The following LCLAT1 variants were observed in gnomAD, a reference collection of about 807,000 sequenced individuals.
LCLAT1 encodes lysocardiolipin acyltransferase 1, also known as 1-AGP acyltransferase 8.
In LCLAT1, 11 loss-of-function variants were observed where a neutral mutation model predicts 30.7. The ratio of observed to expected loss-of-function variants is 0.36; its 90% CI spans 0.23 to 0.59. The LOEUF is 0.59. Ranked by LOEUF, LCLAT1 falls within the 20% of genes least tolerant of loss-of-function variation. The probability of loss-of-function intolerance (pLI) is 0.77; values close to 1 mark genes in which losing one functional copy is unlikely to be tolerated. For synonymous variants in LCLAT1, 155 were observed against 151.3 expected (o/e 1.02, Z -0.18); for missense variants, 402 against 458.6 (o/e 0.88, Z 1.13).
At chr2:30,460,693 G>T (rs918126380) in intron 1 of LCLAT1, among the ~76,000 whole-genome samples, 1 of 152,082 alleles carries the variant, frequency 6.6e-6, no homozygotes, top group African/African-American at 2.4e-5. Context: ...TCCTAATAAG[G>T]TGACTCTGGG....
intron 2 of LCLAT1, among the ~76,000 whole-genome samples, chr2:30,529,170 TA>T (rs1454348438): frequency 6.6e-6 from 1 of 152,244 alleles, no homozygotes; most frequent in East Asian, 1.9e-4. Flanking sequence ...GCACTTAAAC[TA>T]ATTATTGCTT....
intron 1 of LCLAT1, among the ~76,000 whole-genome samples, chr2:30,523,937 GTTGT>G (rs1318137924): frequency 3.3e-5 from 5 of 152,232 alleles, no homozygotes; most frequent in South Asian, 4.1e-4. Context: ...GACCTGTTTT[GTTGT>G]TTGTCTGTCT....
intron 5 of LCLAT1, among the ~76,000 whole-genome samples, chr2:30,622,377 C>G (rs2148517702): frequency 6.6e-6 from 1 of 152,274 alleles, no homozygotes; most frequent in South Asian, 2.1e-4. Context: ...TGTTGTCCCT[C>G]CTACCACCTG....
chr2:30,618,127 G>A (rs1356110979), intron 5 of LCLAT1, among the ~76,000 whole-genome samples: 3 of 152,184 alleles, frequency 2.0e-5, no homozygotes, highest in African/African-American at 7.2e-5. Context: ...TGATCTGTAT[G>A]TCTAACTCTC....
At chr2:30,461,314 A>G (rs1304363876) in intron 1 of LCLAT1, among the ~76,000 whole-genome samples, 1 of 152,198 alleles carries the variant, frequency 6.6e-6, no homozygotes, top group Non-Finnish European at 1.5e-5. Context: ...TTTGACAGGC[A>G]TTGTGGTATG....
At chr2:30,588,239 C>G (rs1267933481) in intron 5 of LCLAT1, among the ~76,000 whole-genome samples, 27 of 152,236 alleles carry the variant, frequency 1.8e-4, no homozygotes, top group Admixed American at 1.6e-3. Context: ...TGAAGGAGAT[C>G]CCTCCTGGGA....
chr2:30,576,306 G>A (rs1473356443), intron 5 of LCLAT1, among the ~76,000 whole-genome samples: 1 of 152,092 alleles, frequency 6.6e-6, no homozygotes, highest in African/African-American at 2.4e-5. Flanking sequence ...AAAGAATATT[G>A]TTACATACAT....
At chr2:30,513,117 GAGAT>G (rs1685017720) in intron 1 of LCLAT1, among the ~76,000 whole-genome samples, 1 of 151,998 alleles carries the variant, frequency 6.6e-6, no homozygotes, top group African/African-American at 2.4e-5. Flanking sequence ...TTTTTCTAAT[GAGAT>G]AGAAGGAAAA....
intron 3 of LCLAT1, among the ~76,000 whole-genome samples, chr2:30,556,849 G>C (rs1264664439): frequency 6.6e-6 from 1 of 150,862 alleles, no homozygotes; most frequent in Non-Finnish European, 1.5e-5. Context: ...GGGTTCAAGC[G>C]ATCTCCTGCC....
chr2:30,495,945 A>G (rs996325221), intron 1 of LCLAT1, among the ~76,000 whole-genome samples: 3 of 152,174 alleles, frequency 2.0e-5, no homozygotes, highest in Admixed American at 1.3e-4. Context: ...GCTATAAAAA[A>G]CTATCTGAGA....
chr2:30,620,167 T>C (rs1668173287), intron 5 of LCLAT1, among the ~76,000 whole-genome samples: 1 of 152,196 alleles, frequency 6.6e-6, no homozygotes, highest in East Asian at 1.9e-4. Context: ...AACCCAGCTC[T>C]TGAATACAAC....
intron 1 of LCLAT1, among the ~76,000 whole-genome samples, chr2:30,450,861 C>T (rs960802084): frequency 1.3e-5 from 2 of 152,158 alleles, no homozygotes; most frequent in Admixed American, 6.5e-5. Context: ...AATTTGTCTT[C>T]AGACTTCTTT....
chr2:30,586,318 A>C (rs1166718849), intron 5 of LCLAT1, among the ~76,000 whole-genome samples: 1 of 151,214 alleles, frequency 6.6e-6, no homozygotes, highest in Non-Finnish European at 1.5e-5. Flanking sequence ...AAATCAAGGT[A>C]TTGGCAGAGC....
intron 1 of LCLAT1, among the ~76,000 whole-genome samples, chr2:30,456,266 G>A (rs745351602): frequency 3.3e-5 from 5 of 152,164 alleles, no homozygotes; most frequent in Admixed American, 6.5e-5. Context: ...ACCCCTGGGC[G>A]GAGGTGAAAG....
intron 5 of LCLAT1, among the ~76,000 whole-genome samples, chr2:30,635,170 TGGGA>T (rs1223369615): frequency 6.6e-6 from 1 of 151,996 alleles, no homozygotes; most frequent in East Asian, 1.9e-4. Context: ...GAGAATGAAG[TGGGA>T]GGATCACTTG....
Position 30,447,291 on chromosome 2 carries a change from G to T in LCLAT1, c.-97G>T, listed in dbSNP as rs1681293345. 6.6e-6 allele frequency: 1 copy of T among 151,862 alleles called. No homozygotes were observed. The highest frequency in any genetic ancestry group is 1.5e-5 in the Non-Finnish European group (1 of 67,930). 9.4% of individuals were successfully genotyped at this position (151,862 alleles called of 1,614,324 possible). A position where few individuals can be genotyped will look rare whatever the true frequency, so the allele number is the denominator to read the frequency against. ...CCTCCGCGTTACGGGATGAATTAAC[G>T]GCGGGTTCCGCACGGAGGTTGTGAC... On this transcript the variant is annotated 5_prime_UTR_variant, in exon 1 of 6. Coordinates refer to ENST00000379509, the MANE Select transcript of LCLAT1 (RefSeq NM_001002257.3).
At chr2:30,568,443 A>G (rs1325802093) in intron 5 of LCLAT1, among the ~76,000 whole-genome samples, 4 of 151,620 alleles carry the variant, frequency 2.6e-5, no homozygotes, top group Non-Finnish European at 5.9e-5. Flanking sequence ...GTTTGTATAT[A>G]GAGAGTTAGG....
chr2:30,542,386 T>C (rs956640896), intron 3 of LCLAT1, among the ~76,000 whole-genome samples: 6 of 152,190 alleles, frequency 3.9e-5, no homozygotes, highest in Middle Eastern at 3.2e-3. Flanking sequence ...ATTTTTTTCC[T>C]ATACAGCTTT....
intron 5 of LCLAT1, among the ~76,000 whole-genome samples, chr2:30,624,875 C>T (rs1434552685): frequency 2.0e-5 from 3 of 152,126 alleles, no homozygotes; most frequent in Admixed American, 6.6e-5. Flanking sequence ...GGCCACAAGT[C>T]CCAATAAATT....
Sources: gnomAD v4.1 joint callset for allele counts (sites outside exome capture counted in the v4.1 genomes callset) on GRCh38, gnomAD v4.1.1 for gene constraint, MANE v1.5 for transcripts, NCBI Gene and HGNC (gene_info 2026-07-23, HGNC 2026-07-21) for gene names.